PTPRK: variants seen among roughly 807,000 people sequenced by gnomAD.
PTPRK encodes the protein protein tyrosine phosphatase receptor type K.
In PTPRK, 75 loss-of-function variants were observed where a neutral mutation model predicts 178.0. The ratio of observed to expected loss-of-function variants is 0.42; its 90% CI spans 0.35 to 0.51. The LOEUF (loss-of-function observed/expected upper bound fraction) is 0.51, where lower values mean the gene tolerates loss of function less well. PTPRK is among the 20% of genes least tolerant of loss of function. The probability of loss-of-function intolerance (pLI) is 0.02; values close to 1 mark genes in which losing one functional copy is unlikely to be tolerated. For synonymous variants in PTPRK, 637 were observed against 620.6 expected, an observed-to-expected ratio of 1.03 and a Z score of -0.39; for missense variants, 1,441 against 1,797.8, an observed-to-expected ratio of 0.80 and a Z score of 3.59.
intron 3 of PTPRK, chr6:128,321,597 C>A: frequency 1.8e-6 from 1 of 554,902 alleles, no homozygotes; most frequent in Non-Finnish European, 3.1e-6. Context: ...AACTCTACAT[C>A]ACATTTATTT....
chr6:128,464,655 A>ATATATATG (rs1554271931), intron 1 of PTPRK, among the ~76,000 whole-genome samples: 4 of 105,858 alleles, frequency 3.8e-5, no homozygotes, highest in Admixed American at 2.1e-4. Flanking sequence ...ATATATATAT[A>ATATATATG]TATATATATA....
At chr6:128,503,034 T>C (rs1855782120) in intron 1 of PTPRK, among the ~76,000 whole-genome samples, 1 of 152,130 alleles carries the variant, frequency 6.6e-6, no homozygotes, top group Non-Finnish European at 1.5e-5. Context: ...GAGACCAGCC[T>C]GGCCAACGTG....
At chr6:128,281,907 GC>G (rs1418281458) in intron 3 of PTPRK, among the ~76,000 whole-genome samples, 3 of 152,092 alleles carry the variant, frequency 2.0e-5, no homozygotes, top group Non-Finnish European at 2.9e-5. Flanking sequence ...TTCATGAGCA[GC>G]TGCAGTTTTT....
intron 6 of PTPRK, among the ~76,000 whole-genome samples, chr6:128,205,809 A>C (rs1318156115): frequency 6.7e-6 from 1 of 148,810 alleles, no homozygotes; most frequent in Non-Finnish European, 1.5e-5. Context: ...AAAAAAATTC[A>C]AGTTAAAAAA....
chr6:128,398,136 G>C (rs1369721739), intron 1 of PTPRK, among the ~76,000 whole-genome samples: 1 of 152,182 alleles, frequency 6.6e-6, no homozygotes, highest in African/African-American at 2.4e-5. Flanking sequence ...CACTGTGGGA[G>C]TGCGCGAGCA....
At chr6:128,036,700 T>C (rs924582130) in intron 13 of PTPRK, among the ~76,000 whole-genome samples, 6 of 151,742 alleles carry the variant, frequency 4.0e-5, no homozygotes, top group Non-Finnish European at 5.9e-5. Flanking sequence ...CTTGATCATT[T>C]TGAAAATAAA....
chr6:128,268,425 G>A (rs1459757459), intron 3 of PTPRK, among the ~76,000 whole-genome samples: 1 of 151,990 alleles, frequency 6.6e-6, no homozygotes, highest in African/African-American at 2.4e-5. Flanking sequence ...TGCAGAAAAA[G>A]TGAGAGAACC....
At chr6:128,147,368 A>G (rs1796643442) in intron 7 of PTPRK, among the ~76,000 whole-genome samples, 1 of 152,192 alleles carries the variant, frequency 6.6e-6, no homozygotes, top group South Asian at 2.1e-4. Context: ...AAAACTATTA[A>G]TCATCCTTTG....
At chr6:128,021,335 TAAG>T (rs1043295481) in intron 13 of PTPRK, among the ~76,000 whole-genome samples, 2 of 152,158 alleles carry the variant, frequency 1.3e-5, no homozygotes, top group Admixed American at 6.5e-5. Flanking sequence ...ACCCTTTTGA[TAAG>T]AAAGTTTCAT....
At position 128,242,033 on chromosome 6, in the gene PTPRK, G is replaced by A. The variant is rs866833504; in HGVS notation, c.577+488C>T. Among the ~76,000 whole-genome samples the A allele has an allele frequency of 8.0e-5, 12 of 149,700 alleles. No individual in the cohort carries two copies. The Middle Eastern group carries it at 0.01, about 130-fold the overall frequency. On this transcript the variant is annotated intron_variant, in intron 4 of 29. Transcript: ENST00000368226. Reference sequence around the variant, plus strand: ...CTCAAACTCCTGACCTCATGAGTTAGCCAGACATTTATTATGACAGAGGAG... The same window carrying A: ...CTCAAACTCCTGACCTCATGAGTTAACCAGACATTTATTATGACAGAGGAG...
chr6:128,318,863 A>G (rs1401467556), intron 3 of PTPRK, among the ~76,000 whole-genome samples: 2 of 152,180 alleles, frequency 1.3e-5, no homozygotes, highest in African/African-American at 2.4e-5. Flanking sequence ...ATTTACTTCT[A>G]TTTAGCAATC....
chr6:128,012,976 T>C (rs181370390), intron 13 of PTPRK, among the ~76,000 whole-genome samples: 4 of 151,470 alleles, frequency 2.6e-5, no homozygotes, highest in African/African-American at 9.6e-5. Flanking sequence ...TCCCAATCAT[T>C]CTTTAAAATC....
chr6:128,376,725 C>T (rs1837135217), intron 2 of PTPRK, among the ~76,000 whole-genome samples: 1 of 152,148 alleles, frequency 6.6e-6, no homozygotes. Flanking sequence ...AAACTGAACA[C>T]CTTTAACAGC....
At chr6:128,367,959 T>C (rs140451486) in intron 2 of PTPRK, among the ~76,000 whole-genome samples, 116 of 152,252 alleles carry the variant, frequency 7.6e-4, no homozygotes, top group Non-Finnish European at 1.5e-3. Flanking sequence ...ATGAAGCAAA[T>C]CCAGTACTTA....
At chr6:128,063,987 C>A (rs72983913) in intron 13 of PTPRK, among the ~76,000 whole-genome samples, 120 of 152,240 alleles carry the variant, frequency 7.9e-4, no homozygotes, top group Non-Finnish European at 1.6e-3. Context: ...AAGAACCAAC[C>A]CTTTGAGGAG....
At chr6:128,434,567 TG>T (rs1845261863) in intron 1 of PTPRK, among the ~76,000 whole-genome samples, 1 of 152,168 alleles carries the variant, frequency 6.6e-6, no homozygotes. Flanking sequence ...CATATATTAC[TG>T]CTGAAGTGTT....
At chr6:128,322,685 T>TATATATATATATATATATATATATATAC (rs1397530546) in intron 2 of PTPRK, among the ~76,000 whole-genome samples, 6 of 151,410 alleles carry the variant, frequency 4.0e-5, no homozygotes, top group African/African-American at 1.5e-4. Flanking sequence ...TATATATGTA[T>TATATATATATATATATATATATATATAC]ACACACATAC....
intron 5 of PTPRK, among the ~76,000 whole-genome samples, chr6:128,225,827 C>T (rs1240785184): frequency 6.6e-6 from 1 of 151,628 alleles, no homozygotes; most frequent in East Asian, 1.9e-4. Context: ...AAACTATTGA[C>T]TATCTGGCAA....
chr6:128,491,787 G>A (rs756556043), intron 1 of PTPRK: 10 of 518,238 alleles, frequency 1.9e-5, no homozygotes, highest in East Asian at 5.5e-5. Context: ...GATAGATGGC[G>A]AATGGAATGG....
Sources: allele counts gnomAD v4.1 joint callset (sites outside exome capture counted in the v4.1 genomes callset), GRCh38; gene constraint gnomAD v4.1.1; transcripts MANE v1.5; gene names NCBI Gene and HGNC (gene_info 2026-07-23, HGNC 2026-07-21).